Variants in NTM observed in about 807,000 individuals in gnomAD.
NTM encodes the protein neurotrimin.
A neutral mutation model predicts 42.1 loss-of-function variants in NTM; 13 were observed. The observed-to-expected ratio is 0.31, with a 90% confidence interval of 0.20 to 0.49. The LOEUF is 0.49. Among genes scored for constraint, NTM ranks in the 20% least tolerant of loss-of-function variants. The pLI is 0.99. For synonymous variants in NTM, 187 were observed against 179.2 expected, an observed-to-expected ratio of 1.04 and a Z score of -0.35; for missense variants, 373 against 452.8, an observed-to-expected ratio of 0.82 and a Z score of 1.60.
chr11:131,803,723 TG>T (rs1169147662), intron 1 of NTM, among the ~76,000 whole-genome samples: 1 of 152,222 alleles, frequency 6.6e-6, no homozygotes, highest in African/African-American at 2.4e-5. Context: ...TCTGCTTTCC[TG>T]GCCCTCCAGA....
intron 1 of NTM, among the ~76,000 whole-genome samples, chr11:131,513,023 T>G (rs2136476486): frequency 6.6e-6 from 1 of 152,304 alleles, no homozygotes; most frequent in South Asian, 2.1e-4. Flanking sequence ...CCAGCTGCAC[T>G]TAATACCTTG....
At chr11:132,167,650 A>G (rs1392967785) in intron 3 of NTM, among the ~76,000 whole-genome samples, 1 of 152,244 alleles carries the variant, frequency 6.6e-6, no homozygotes, top group East Asian at 1.9e-4. Context: ...AGCTGCACAG[A>G]GATCCTTAGA....
chr11:131,954,214 T>C (rs967873323), intron 2 of NTM, among the ~76,000 whole-genome samples: 3 of 152,152 alleles, frequency 2.0e-5, no homozygotes, highest in Non-Finnish European at 4.4e-5. Flanking sequence ...ACAGGCATTG[T>C]AAGTAGCACA....
chr11:131,607,084 A>G (rs1592205761), intron 1 of NTM, among the ~76,000 whole-genome samples: 1 of 152,360 alleles, frequency 6.6e-6, no homozygotes, highest in South Asian at 2.1e-4. Context: ...CAAACCTAGC[A>G]TGCAAGTGCT....
intron 3 of NTM, among the ~76,000 whole-genome samples, chr11:132,180,465 A>G (rs752198169): frequency 2.0e-5 from 3 of 152,212 alleles, no homozygotes; most frequent in Non-Finnish European, 4.4e-5. Context: ...GAAAAGGACA[A>G]ATGATAGAAA....
intron 1 of NTM, among the ~76,000 whole-genome samples, chr11:131,905,126 A>G (rs1388841753): frequency 6.6e-6 from 1 of 152,164 alleles, no homozygotes; most frequent in Admixed American, 6.5e-5. Context: ...AACTCTTTGC[A>G]GCTACTCCCT....
In NTM at chr11:131,891,754, A is replaced by G. The variant is rs568371936; in HGVS notation, c.83-19810A>G. Among the ~76,000 whole-genome samples, 9 of 152,292 alleles carry G rather than the reference A, an allele frequency of 5.9e-5. No homozygotes were observed. In the East Asian group the frequency reaches 1.7e-3, roughly 29 times the overall value. ...CTGCCTTTTCTGATATTCAGAAGTG[A>G]GATAAATGGCAGGCCTGTTACATTG... On this transcript the variant is annotated intron_variant, in intron 1 of 8. Transcript: ENST00000683400.
chr11:132,303,731 AC>A (rs1383598153), intron 4 of NTM, among the ~76,000 whole-genome samples: 28 of 100,308 alleles, frequency 2.8e-4, no homozygotes, highest in South Asian at 1.5e-3. Flanking sequence ...AAAAAAAAAA[AC>A]AATCTGTGAA....
At chr11:132,044,413 G>C (rs964994367) in intron 2 of NTM, among the ~76,000 whole-genome samples, 1 of 152,142 alleles carries the variant, frequency 6.6e-6, no homozygotes, top group African/African-American at 2.4e-5. Flanking sequence ...GTGTTTTAGA[G>C]TTGGGAAATC....
intron 2 of NTM, among the ~76,000 whole-genome samples, chr11:132,046,889 T>C (rs1368959639): frequency 1.3e-5 from 2 of 152,228 alleles, no homozygotes; most frequent in African/African-American, 2.4e-5. Context: ...CATCAATCTA[T>C]CTGTTATCTA....
intron 1 of NTM, among the ~76,000 whole-genome samples, chr11:131,445,968 G>A (rs989470720): frequency 1.3e-5 from 2 of 152,176 alleles, no homozygotes; most frequent in Non-Finnish European, 2.9e-5. Context: ...GCCTGCAAAG[G>A]CTAACATAGT....
At chr11:131,820,287 G>T (rs77298420) in intron 1 of NTM, among the ~76,000 whole-genome samples, 5,261 of 152,090 alleles carry the variant, frequency 0.035, 312 homozygotes, top group African/African-American at 0.12. Flanking sequence ...GAAACCCTCT[G>T]GTTCTCTAAA....
In NTM at chr11:131,789,542, GAAGAA is replaced by G. The variant is rs2090246018; in HGVS notation, c.83-122016_83-122012del. ...AGAAGAAGAAGAAGAAGAAGAAGAA[GAAGAA>G]AAGAAGAAGAAGAAGAAGAAGAAGA... On this transcript the variant is annotated intron_variant, in intron 1 of 8. Coordinates refer to ENST00000683400, the MANE Select transcript of NTM (RefSeq NM_001352005.2). Among the ~76,000 whole-genome samples the G allele has an allele frequency of 2.6e-4, 5 of 19,020 alleles. 1 individual carries two copies. The highest frequency in any genetic ancestry group is 3.6e-4 in the Non-Finnish European group (4 of 11,228). 12.5% of individuals were successfully genotyped at this position (19,020 alleles called of 152,430 possible).
At chr11:131,484,900 T>G (rs1416674764) in intron 1 of NTM, among the ~76,000 whole-genome samples, 1 of 152,172 alleles carries the variant, frequency 6.6e-6, no homozygotes, top group Non-Finnish European at 1.5e-5. Flanking sequence ...ACATAAGCAT[T>G]GAAATCAGAG....
At chr11:132,121,767 T>C (rs947813577) in intron 2 of NTM, among the ~76,000 whole-genome samples, 1 of 152,108 alleles carries the variant, frequency 6.6e-6, no homozygotes, top group Non-Finnish European at 1.5e-5. Context: ...ATTTTGCCAA[T>C]AGTTTTCATG....
At chr11:131,510,675 T>G (rs2048113010) in intron 1 of NTM, among the ~76,000 whole-genome samples, 1 of 152,236 alleles carries the variant, frequency 6.6e-6, no homozygotes, top group Non-Finnish European at 1.5e-5. Flanking sequence ...TAGACGTTTA[T>G]AAAAGTCCTG....
chr11:131,872,071 G>A (rs180704347), intron 1 of NTM, among the ~76,000 whole-genome samples: 1 of 152,272 alleles, frequency 6.6e-6, no homozygotes, highest in East Asian at 1.9e-4. Flanking sequence ...TGGATTGTGT[G>A]TCAGTGCCTC....
At chr11:131,980,410 C>G (rs1216775136) in intron 2 of NTM, among the ~76,000 whole-genome samples, 1 of 152,042 alleles carries the variant, frequency 6.6e-6, no homozygotes, top group East Asian at 1.9e-4. Flanking sequence ...TGCCAAACAC[C>G]CACTTGGAAA....
intron 1 of NTM, among the ~76,000 whole-genome samples, chr11:131,379,684 CA>C (rs1453242056): frequency 5.5e-4 from 84 of 152,310 alleles, no homozygotes; most frequent in African/African-American, 2.0e-3. Flanking sequence ...TTCTACTACC[CA>C]CAGGACTGGT....
Sources: allele counts gnomAD v4.1 joint callset (sites outside exome capture counted in the v4.1 genomes callset), GRCh38; gene constraint gnomAD v4.1.1; transcripts MANE v1.5; gene names NCBI Gene and HGNC (gene_info 2026-07-23, HGNC 2026-07-21).